The following TLN2 variants were observed in gnomAD, a reference collection of about 807,000 sequenced individuals.
TLN2 encodes talin-2.
TLN2 carries 118 observed loss-of-function variants against 294.7 expected under a neutral mutation model. The ratio of observed to expected loss-of-function variants is 0.40; its 90% CI spans 0.34 to 0.47. The LOEUF is 0.47. Ranked by LOEUF, TLN2 falls within the 20% of genes least tolerant of loss-of-function variation. TLN2 has a pLI of 0.84. For synonymous variants in TLN2, 1,431 were observed against 1,304.5 expected, an observed-to-expected ratio of 1.10 and a Z score of -2.09; for missense variants, 3,083 against 3,282.2, an observed-to-expected ratio of 0.94 and a Z score of 1.48.
chr15:62,563,710 T>C, intron 1 of TLN2, among the ~76,000 whole-genome samples: 1 of 152,222 alleles, frequency 6.6e-6, no homozygotes, highest in Non-Finnish European at 1.5e-5. Flanking sequence ...TAGCACACTT[T>C]GCACATGCTG....
chr15:62,819,532 C>T lies in TLN2; in HGVS notation c.6788C>T (p.Thr2263Ile). ...EHVLVILQKP[T>I]PEFKQQLAAF... Reference sequence around the variant, plus strand: ...CACCTGTAGATTCTTCAGAAACCAACCCCAGAATTCAAGCAGCAGCTGGCC... The same window carrying T: ...CACCTGTAGATTCTTCAGAAACCAATCCCAGAATTCAAGCAGCAGCTGGCC... Residue 2263 changes from threonine (T) to isoleucine (I), a missense_variant, in exon 53 of 59, where the codon ACC becomes ATC. Transcript: ENST00000636159. The T allele has an allele frequency of 1.2e-6, 2 of 1,614,100 alleles. No individual in the cohort carries two copies. Among genetic ancestry groups the T allele is most frequent in the African/African-American group, 1.3e-5 (1 of 75,044 alleles).
chr15:62,673,254 A>G (rs1366220224), intron 9 of TLN2, among the ~76,000 whole-genome samples: 1 of 138,960 alleles, frequency 7.2e-6, no homozygotes, highest in Non-Finnish European at 1.5e-5. Flanking sequence ...TTCTTCCTGT[A>G]GTTATGCTGT....
chr15:62,819,148 C>G (rs963936412), intron 52 of TLN2, among the ~76,000 whole-genome samples: 6 of 152,188 alleles, frequency 3.9e-5, no homozygotes, highest in African/African-American at 1.4e-4. Flanking sequence ...GTGTGAGCCA[C>G]TGTACCCAGC....
At position 62,630,445 on chromosome 15, in the gene TLN2, G is replaced by A. The variant is rs1215988969; in HGVS notation, c.-37+11970G>A. Among the ~76,000 whole-genome samples, 4 of 152,160 alleles carry A rather than the reference G, an allele frequency of 2.6e-5. No homozygotes were observed. In the South Asian group the frequency reaches 6.2e-4, roughly 24 times the overall value. On this transcript the variant is annotated intron_variant, in intron 3 of 58. Transcript: ENST00000636159. ...CCCACTCTGTTCCCACTGGCCCTGC[G>A]GTCATACTGGTGGGACTTAGCCCTA... is the stretch of plus-strand genomic sequence containing the variant.
intron 1 of TLN2, among the ~76,000 whole-genome samples, chr15:62,485,544 G>A (rs1054997619): frequency 1.3e-5 from 2 of 152,154 alleles, no homozygotes; most frequent in Admixed American, 1.3e-4. Context: ...GCGGGGTGGG[G>A]GCAAGTGGTT....
intron 14 of TLN2, among the ~76,000 whole-genome samples, chr15:62,696,564 C>T (rs1359632240): frequency 6.6e-6 from 1 of 151,960 alleles, no homozygotes; most frequent in Non-Finnish European, 1.5e-5. Flanking sequence ...GAAAATTAGC[C>T]AGGTGTGGTG....
chr15:62,449,421 G>A (rs2035982725), intron 1 of TLN2, among the ~76,000 whole-genome samples: 1 of 152,122 alleles, frequency 6.6e-6, no homozygotes, highest in Non-Finnish European at 1.5e-5. Flanking sequence ...CCCAGTAGAT[G>A]AGCTAGCTGG....
intron 9 of TLN2, among the ~76,000 whole-genome samples, chr15:62,658,341 T>C (rs2053453303): frequency 6.6e-6 from 1 of 152,146 alleles, no homozygotes; most frequent in African/African-American, 2.4e-5. Flanking sequence ...TTCAAGTGTA[T>C]TGCAGGGAGA....
At chr15:62,547,427 A>G (rs928521115) in intron 1 of TLN2, among the ~76,000 whole-genome samples, 3 of 152,238 alleles carry the variant, frequency 2.0e-5, no homozygotes, top group Non-Finnish European at 4.4e-5. Context: ...TGGGTCCTGC[A>G]TGACCCCTCA....
chr15:62,668,027 C>T lies in TLN2; in HGVS notation c.789-5800C>T, dbSNP rs909763252. Among the ~76,000 whole-genome samples, 6 of 151,884 alleles carry T rather than the reference C, an allele frequency of 4.0e-5. No homozygotes were observed. In the South Asian group the frequency reaches 6.3e-4, roughly 16 times the overall value. ...AACAAAGAACTCAAATACATAGAAA[C>T]GGTAGGAAAGTGGTTACTGAGGGTG... On this transcript the variant is annotated intron_variant, in intron 9 of 58. Coordinates refer to ENST00000636159, the MANE Select transcript of TLN2 (RefSeq NM_015059.3).
chr15:62,797,051 C>A (rs1249245066), intron 47 of TLN2, among the ~76,000 whole-genome samples, 168 bp from the exon 48 acceptor site: 2 of 152,190 alleles, frequency 1.3e-5, no homozygotes, highest in African/African-American at 4.8e-5. Flanking sequence ...CCCAGTTTTG[C>A]ATTTGTGGAA....
At chr15:62,727,484 C>T (rs967041013) in intron 28 of TLN2, among the ~76,000 whole-genome samples, 1 of 151,896 alleles carries the variant, frequency 6.6e-6, no homozygotes, top group East Asian at 1.9e-4. Context: ...AAAGTAAAGG[C>T]ATAAAAAAAG....
intron 1 of TLN2, among the ~76,000 whole-genome samples, chr15:62,410,619 G>A (rs2033716198): frequency 6.6e-6 from 1 of 152,194 alleles, no homozygotes; most frequent in Non-Finnish European, 1.5e-5. Context: ...CTCCGTTAGT[G>A]CTTAGTGGGC....
At chr15:62,416,767 G>A (rs1462924405) in intron 1 of TLN2, among the ~76,000 whole-genome samples, 2 of 152,202 alleles carry the variant, frequency 1.3e-5, no homozygotes, top group Admixed American at 1.3e-4. Context: ...TGGAATTCAA[G>A]GCTTGCTCTG....
At chr15:62,698,251 C>T (rs746804413) in intron 15 of TLN2, among the ~76,000 whole-genome samples, 3 of 152,200 alleles carry the variant, frequency 2.0e-5, no homozygotes, top group South Asian at 2.1e-4. Context: ...CTGGTCTGTC[C>T]GGCTCAGTGC....
intron 1 of TLN2, among the ~76,000 whole-genome samples, chr15:62,516,226 AAAG>A (rs1257561561): frequency 1.3e-5 from 2 of 152,222 alleles, no homozygotes; most frequent in Non-Finnish European, 2.9e-5. Flanking sequence ...GGCAGTATGA[AAAG>A]AAGACAGTGT....
At chr15:62,592,816 T>C (rs1161537690) in intron 2 of TLN2, among the ~76,000 whole-genome samples, 1 of 152,218 alleles carries the variant, frequency 6.6e-6, no homozygotes, top group South Asian at 2.1e-4. Context: ...AAGAGTTACA[T>C]GCATTCATGG....
At chr15:62,656,666 T>C (rs1355297129) in intron 8 of TLN2, among the ~76,000 whole-genome samples, 1 of 152,202 alleles carries the variant, frequency 6.6e-6, no homozygotes, top group Admixed American at 6.5e-5. Context: ...CCTTTCTTCC[T>C]TTCCTTCCCT....
At chr15:62,468,693 T>A (rs1265846721) in intron 1 of TLN2, among the ~76,000 whole-genome samples, 3 of 147,558 alleles carry the variant, frequency 2.0e-5, no homozygotes, top group Non-Finnish European at 4.4e-5. Context: ...TGCAGTGAGC[T>A]GAGATTGCAC....
Sources: allele counts gnomAD v4.1 joint callset (sites outside exome capture counted in the v4.1 genomes callset), GRCh38; gene constraint gnomAD v4.1.1; transcripts MANE v1.5; gene names NCBI Gene and HGNC (gene_info 2026-07-23, HGNC 2026-07-21).